The following MARCHF1 variants were observed in gnomAD, a reference collection of about 807,000 sequenced individuals.
MARCHF1 encodes the protein E3 ubiquitin-protein ligase MARCHF1.
A neutral mutation model predicts 54.2 loss-of-function variants in MARCHF1; 40 were observed. That is an observed-to-expected ratio of 0.74 (90% confidence interval 0.57 to 0.96). The LOEUF is 0.96. MARCHF1 is among the 40% of genes least tolerant of loss of function. The pLI is 0.00. For synonymous variants in MARCHF1, 236 were observed against 236.3 expected (o/e 1.00, Z 0.01); for missense variants, 586 against 656.5 (o/e 0.89, Z 1.17).
rs77300323 is a variant in MARCHF1, at chr4:163,638,255, TA to T, written c.163-24863del. ...CTTAAAGTATAATAAAAAAAAAAAT[TA>T]AAAAAAAAAAAAGAAATGTAATCCC... On this transcript the variant is annotated intron_variant, in intron 5 of 9. Transcript: ENST00000514618. 1.6e-3 allele frequency among the ~76,000 whole-genome samples: 220 copies of T among 139,528 alleles called. 1 individual carries two copies. The highest frequency in any genetic ancestry group is 2.4e-3 in the Non-Finnish European group (149 of 62,786). The allele number at this position is 139,528 out of a possible 152,430, so 91.5% of individuals were successfully genotyped here.
intron 3 of MARCHF1, among the ~76,000 whole-genome samples, chr4:163,945,183 T>C (rs1425686823): frequency 1.3e-5 from 2 of 152,206 alleles, no homozygotes; most frequent in South Asian, 2.1e-4. Flanking sequence ...TTTACAGAAA[T>C]GTCTGGTTTT....
chr4:163,658,342 A>C (rs1743224177), intron 5 of MARCHF1, among the ~76,000 whole-genome samples: 1 of 152,114 alleles, frequency 6.6e-6, no homozygotes, highest in African/African-American at 2.4e-5. Context: ...AATGCAAATC[A>C]CAATGAGATA....
chr4:163,754,940 G>C (rs1162086097), intron 4 of MARCHF1, among the ~76,000 whole-genome samples: 1 of 152,118 alleles, frequency 6.6e-6, no homozygotes, highest in Non-Finnish European at 1.5e-5. Context: ...TTCAACGGAT[G>C]AACTGCAATT....
intron 3 of MARCHF1, 143 bp downstream of exon 3, chr4:163,988,358 G>A (rs948006325): frequency 2.6e-5 from 4 of 152,252 alleles, no homozygotes; most frequent in South Asian, 2.1e-4. Flanking sequence ...CCAGTTATAA[G>A]TAATTCTCTT....
intron 1 of MARCHF1, among the ~76,000 whole-genome samples, chr4:164,160,807 A>C (rs1730212301): frequency 6.6e-6 from 1 of 152,188 alleles, no homozygotes. Flanking sequence ...GATTAAGCCA[A>C]GTAAAAAATT....
intron 5 of MARCHF1, among the ~76,000 whole-genome samples, chr4:163,626,103 T>C (rs974327469): frequency 6.6e-6 from 1 of 152,210 alleles, no homozygotes; most frequent in African/African-American, 2.4e-5. Flanking sequence ...TTTCAGATGA[T>C]TACATTGTAC....
chr4:164,370,030 A>C (rs997235482), intron 1 of MARCHF1, among the ~76,000 whole-genome samples: 1 of 152,266 alleles, frequency 6.6e-6, no homozygotes, highest in African/African-American at 2.4e-5. Flanking sequence ...AGATCTTCAC[A>C]GAAGACGTTA....
chr4:164,369,680 G>A (rs573529321), intron 1 of MARCHF1, among the ~76,000 whole-genome samples: 2 of 152,016 alleles, frequency 1.3e-5, no homozygotes, highest in African/African-American at 2.4e-5. Flanking sequence ...ATGTACTAAC[G>A]TTCTATAATG....
chr4:164,248,195 A>C (rs1368523253), intron 1 of MARCHF1, among the ~76,000 whole-genome samples: 1 of 151,986 alleles, frequency 6.6e-6, no homozygotes, highest in Non-Finnish European at 1.5e-5. Flanking sequence ...ACAACAATAA[A>C]GTTATTTAGT....
chr4:164,253,579 GA>G (rs1733185545), intron 1 of MARCHF1, among the ~76,000 whole-genome samples: 1 of 152,148 alleles, frequency 6.6e-6, no homozygotes, highest in African/African-American at 2.4e-5. Flanking sequence ...TTGTTTGGGG[GA>G]AAAATATTGA....
chr4:163,865,896 C>T lies in MARCHF1; in HGVS notation c.-38-11727G>A, dbSNP rs1039971752. Among the ~76,000 whole-genome samples the T allele has an allele frequency of 4.6e-4, 70 of 151,494 alleles. 1 individual carries two copies. The highest frequency in any genetic ancestry group is 4.1e-3 in the Admixed American group (62 of 15,182). ...CAAAACCCTAAAGATTAAAAAAAGT[C>T]ATCTACAATTTTTCCTTCTGTCTCT... On this transcript the variant is annotated intron_variant, in intron 3 of 9. Coordinates refer to ENST00000514618, the MANE Select transcript of MARCHF1 (RefSeq NM_001394959.1).
intron 1 of MARCHF1, among the ~76,000 whole-genome samples, chr4:164,352,079 T>G (rs1357723419): frequency 8.0e-6 from 1 of 125,092 alleles, no homozygotes; most frequent in Non-Finnish European, 1.8e-5. Flanking sequence ...TAAAAAGAAA[T>G]GAGCAAAGCC....
chr4:164,090,470 T>A (rs902578504), intron 2 of MARCHF1, among the ~76,000 whole-genome samples: 1 of 152,154 alleles, frequency 6.6e-6, no homozygotes, highest in South Asian at 2.1e-4. Context: ...AAAAGGTATA[T>A]CTATAAGACA....
intron 3 of MARCHF1, among the ~76,000 whole-genome samples, chr4:163,886,304 C>CATAG (rs10560054): frequency 1.2e-3 from 180 of 145,194 alleles, no homozygotes; most frequent in Middle Eastern, 3.6e-3. Flanking sequence ...TCTTAATAGA[C>CATAG]ATAGATAGAT....
intron 4 of MARCHF1, among the ~76,000 whole-genome samples, chr4:163,851,190 A>G (rs1749632719): frequency 6.6e-6 from 1 of 152,208 alleles, no homozygotes; most frequent in Non-Finnish European, 1.5e-5. Context: ...AACATGGTTA[A>G]GTAGAATAAC....
intron 3 of MARCHF1, among the ~76,000 whole-genome samples, chr4:163,986,783 CATTT>C (rs1752879124): frequency 6.6e-6 from 1 of 152,062 alleles, no homozygotes; most frequent in African/African-American, 2.4e-5. Flanking sequence ...GAATAAAAAA[CATTT>C]GTTTGCTCTT....
chr4:163,707,475 C>G (rs1007163396), intron 4 of MARCHF1, among the ~76,000 whole-genome samples: 29 of 151,918 alleles, frequency 1.9e-4, no homozygotes, highest in South Asian at 4.1e-4. Context: ...CTCAAAATCA[C>G]GAGCAGTCAG....
At chr4:164,178,641 A>G (rs780590525) in intron 1 of MARCHF1, among the ~76,000 whole-genome samples, 4 of 152,182 alleles carry the variant, frequency 2.6e-5, no homozygotes, top group Non-Finnish European at 5.9e-5. Context: ...TGTTTGGTAT[A>G]TGAATACTTA....
At chr4:163,922,576 G>A (rs1187655660) in intron 3 of MARCHF1, among the ~76,000 whole-genome samples, 1 of 152,148 alleles carries the variant, frequency 6.6e-6, no homozygotes. Flanking sequence ...TACAGCTATT[G>A]TAATTTACAA....
Sources: gnomAD v4.1 joint callset for allele counts (sites outside exome capture counted in the v4.1 genomes callset) on GRCh38, gnomAD v4.1.1 for gene constraint, MANE v1.5 for transcripts, NCBI Gene and HGNC (gene_info 2026-07-23, HGNC 2026-07-21) for gene names.